The following CSGALNACT1 variants were observed in gnomAD, a reference collection of about 807,000 sequenced individuals.
The protein encoded by CSGALNACT1 is beta4GalNAcT-1.
Under a neutral mutation model 51.0 loss-of-function variants are expected in CSGALNACT1, and 52 were observed. The observed-to-expected ratio is 1.02, with a 90% CI of 0.82 to 1.29. The LOEUF (loss-of-function observed/expected upper bound fraction) is 1.29. CSGALNACT1 is among the 50% of genes most tolerant of loss of function. The pLI is 0.00. For missense variants in CSGALNACT1, 935 were observed against 679.2 expected (o/e 1.38, Z -4.19); for synonymous variants, 341 against 254.4 (o/e 1.34, Z -3.24).
chr8:19,747,939 C>T (rs2064783664), intron 1 of CSGALNACT1, among the ~76,000 whole-genome samples: 1 of 152,146 alleles, frequency 6.6e-6, no homozygotes, highest in African/African-American at 2.4e-5. Flanking sequence ...AAGAAATCTC[C>T]CTGCCAAAAA....
At chr8:19,681,393 C>T (rs1589481872) in intron 1 of CSGALNACT1, among the ~76,000 whole-genome samples, 1 of 152,128 alleles carries the variant, frequency 6.6e-6, no homozygotes, top group African/African-American at 2.4e-5. Context: ...GTGCATCTGT[C>T]CTTCGCGCCC....
At chr8:19,617,585 A>G (rs2053210722) in intron 1 of CSGALNACT1, among the ~76,000 whole-genome samples, 1 of 152,234 alleles carries the variant, frequency 6.6e-6, no homozygotes, top group Non-Finnish European at 1.5e-5. Context: ...AATCTGTCCT[A>G]CAGAGATATA....
chr8:19,405,758 C>G (rs772537037), exon 10 of CSGALNACT1: 1 of 1,614,022 alleles, frequency 6.2e-7, no homozygotes, highest in African/African-American at 1.3e-5. Flanking sequence ...AAAAGTGTCT[C>G]CCACAATCCT....
chr8:19,434,174 G>A (rs1477438720), intron 6 of CSGALNACT1, among the ~76,000 whole-genome samples: 2 of 152,190 alleles, frequency 1.3e-5, no homozygotes, highest in Non-Finnish European at 2.9e-5. Flanking sequence ...TTTGTAGAGA[G>A]GAGTGTTTGC....
chr8:19,621,733 A>T (rs1462300536), intron 1 of CSGALNACT1, among the ~76,000 whole-genome samples: 2 of 152,118 alleles, frequency 1.3e-5, no homozygotes, highest in Non-Finnish European at 2.9e-5. Context: ...GTGAGCCATG[A>T]TCACACCACA....
chr8:19,702,902 C>T (rs969175635), intron 1 of CSGALNACT1, among the ~76,000 whole-genome samples: 2 of 152,222 alleles, frequency 1.3e-5, no homozygotes, highest in Admixed American at 1.3e-4. Flanking sequence ...GTAGCCCCCA[C>T]TTAGACCAGG....
intron 1 of CSGALNACT1, among the ~76,000 whole-genome samples, chr8:19,752,669 A>G (rs998828141): frequency 1.3e-5 from 2 of 152,208 alleles, no homozygotes; most frequent in African/African-American, 2.4e-5. Context: ...GGCCCTCAGT[A>G]TAAATGGACA....
chr8:19,702,882 C>A (rs1474458389), intron 1 of CSGALNACT1, among the ~76,000 whole-genome samples: 1 of 152,018 alleles, frequency 6.6e-6, no homozygotes, highest in Non-Finnish European at 1.5e-5. Flanking sequence ...GTAGCCCAGC[C>A]CCCCACCCAG....
chr8:19,615,496 G>C (rs911619307), intron 1 of CSGALNACT1, among the ~76,000 whole-genome samples: 3 of 152,102 alleles, frequency 2.0e-5, no homozygotes, highest in African/African-American at 7.2e-5. Context: ...AGCACCAACA[G>C]AATAGGTACC....
chr8:19,530,397 A>C (rs946713994), intron 3 of CSGALNACT1, among the ~76,000 whole-genome samples: 1 of 152,102 alleles, frequency 6.6e-6, no homozygotes, highest in African/African-American at 2.4e-5. Context: ...GTGTATATAT[A>C]ATTTTATAAT....
At chr8:19,576,861 G>A (rs1237301853) in intron 3 of CSGALNACT1, among the ~76,000 whole-genome samples, 1 of 152,028 alleles carries the variant, frequency 6.6e-6, no homozygotes. Flanking sequence ...TGTGCAACTG[G>A]TTATACTGCC....
At chr8:19,635,160 G>A (rs2055861138) in intron 1 of CSGALNACT1, among the ~76,000 whole-genome samples, 2 of 152,176 alleles carry the variant, frequency 1.3e-5, no homozygotes, top group South Asian at 2.1e-4. Context: ...TGGCCATCAG[G>A]GCAGAGGGGA....
chr8:19,442,759 A>G (rs11985099), intron 5 of CSGALNACT1, among the ~76,000 whole-genome samples: 20,029 of 151,746 alleles, frequency 0.13, 1,636 homozygotes, highest in Middle Eastern at 0.24. Flanking sequence ...TGAGAAAGCT[A>G]AAGTCCAGAG....
At chr8:19,619,492 G>C (rs1170563361) in intron 1 of CSGALNACT1, among the ~76,000 whole-genome samples, 27 of 151,984 alleles carry the variant, frequency 1.8e-4, no homozygotes, top group Non-Finnish European at 4.0e-4. Flanking sequence ...GATGTGGCTG[G>C]GCTGGAGAGG....
chr8:19,682,549 T>G (rs1362712647), exon 1 of CSGALNACT1: 2 of 439,970 alleles, frequency 4.5e-6, no homozygotes, highest in African/African-American at 4.0e-5. Context: ...GTCTTTGCTG[T>G]CAGTACTCTA....
chr8:19,622,643 G>A (rs2053961466), intron 1 of CSGALNACT1, among the ~76,000 whole-genome samples: 1 of 151,974 alleles, frequency 6.6e-6, no homozygotes, highest in Admixed American at 6.6e-5. Flanking sequence ...TCCAGGAAGT[G>A]GTAAAAGTAC....
intron 3 of CSGALNACT1, among the ~76,000 whole-genome samples, chr8:19,573,251 A>C (rs2043406008): frequency 6.6e-6 from 1 of 152,168 alleles, no homozygotes; most frequent in Non-Finnish European, 1.5e-5. Flanking sequence ...TGACTGTCAT[A>C]GCAACCAGAA....
In CSGALNACT1 at chr8:19,666,345, C is replaced by A. The variant is rs183748286; in HGVS notation, c.-544+16128G>T. Among the ~76,000 whole-genome samples the A allele has an allele frequency of 2.0e-5, 3 of 152,252 alleles. No individual in the cohort carries two copies. The East Asian group carries it at 5.8e-4, about 29-fold the overall frequency. ...CTTGCTCCAGCTCCCATGAAGAAAA[C>A]CCTGTCTCTTCTACTTCTTCCTATT... On this transcript the variant is annotated intron_variant, in intron 1 of 9. Coordinates refer to the CSGALNACT1 transcript ENST00000332246.
chr8:19,650,701 C>T (rs980024416), intron 1 of CSGALNACT1, among the ~76,000 whole-genome samples: 1 of 152,122 alleles, frequency 6.6e-6, no homozygotes, highest in South Asian at 2.1e-4. Context: ...TGAAACAACA[C>T]GCTTAAGCAC....
Sources: gnomAD v4.1 joint callset for allele counts (sites outside exome capture counted in the v4.1 genomes callset) on GRCh38, gnomAD v4.1.1 for gene constraint, MANE v1.5 for transcripts, NCBI Gene and HGNC (gene_info 2026-07-23, HGNC 2026-07-21) for gene names.